Variants in DIAPH3 observed in about 807,000 individuals in gnomAD.
The protein encoded by DIAPH3 is diaphanous related formin 3.
Under a neutral mutation model 144.3 loss-of-function variants are expected in DIAPH3, and 117 were observed. The observed-to-expected ratio is 0.81, with a 90% CI of 0.70 to 0.95. The LOEUF (loss-of-function observed/expected upper bound fraction) is 0.95, where lower values mean the gene tolerates loss of function less well. DIAPH3 is among the 40% of genes least tolerant of loss of function. DIAPH3 has a pLI of 0.00. For synonymous variants in DIAPH3, 519 were observed against 488.9 expected (o/e 1.06, Z -0.81); for missense variants, 1,421 against 1,412.7 (o/e 1.01, Z -0.09).
chr13:59,785,186 G>C (rs2038968936), intron 25 of DIAPH3, among the ~76,000 whole-genome samples: 1 of 152,046 alleles, frequency 6.6e-6, no homozygotes, highest in Non-Finnish European at 1.5e-5. Context: ...TTAAGTGACT[G>C]GCTCAACCAC....
chr13:59,930,058 C>A (rs1006097516), intron 17 of DIAPH3, among the ~76,000 whole-genome samples: 3 of 152,164 alleles, frequency 2.0e-5, no homozygotes, highest in Non-Finnish European at 4.4e-5. Context: ...GCACAGTGTT[C>A]TTCATACATG....
At chr13:59,783,133 C>G (rs781736886) in intron 25 of DIAPH3, among the ~76,000 whole-genome samples, 2 of 151,968 alleles carry the variant, frequency 1.3e-5, no homozygotes, top group Non-Finnish European at 2.9e-5. Context: ...AAAACAAACC[C>G]AAGAGGCATG....
At chr13:59,685,768 T>G (rs2033183686) in intron 27 of DIAPH3, among the ~76,000 whole-genome samples, 1 of 152,122 alleles carries the variant, frequency 6.6e-6, no homozygotes, top group South Asian at 2.1e-4. Flanking sequence ...AATAATATAC[T>G]GGAGCTGCAG....
intron 4 of DIAPH3, among the ~76,000 whole-genome samples, chr13:60,072,128 C>T (rs180998490): frequency 2.4e-4 from 36 of 152,270 alleles, no homozygotes; most frequent in Non-Finnish European, 5.9e-5. Flanking sequence ...TACAAATGAC[C>T]ATCAGGAACC....
At chr13:59,822,185 T>C (rs1305418637) in intron 24 of DIAPH3, among the ~76,000 whole-genome samples, 1 of 152,108 alleles carries the variant, frequency 6.6e-6, no homozygotes, top group Non-Finnish European at 1.5e-5. Flanking sequence ...TTTCCCAAAG[T>C]ATAATTTGAT....
intron 13 of DIAPH3, among the ~76,000 whole-genome samples, chr13:59,981,935 T>C (rs1330696309): frequency 6.6e-6 from 1 of 151,540 alleles, no homozygotes; most frequent in Non-Finnish European, 1.5e-5. Flanking sequence ...ATTTTTGATA[T>C]TTTATTTACT....
chr13:60,124,428 C>T (rs2058931421), intron 2 of DIAPH3, among the ~76,000 whole-genome samples: 1 of 152,162 alleles, frequency 6.6e-6, no homozygotes, highest in Admixed American at 6.5e-5. Flanking sequence ...GATGACCTCT[C>T]AGTCCAACAC....
At chr13:60,121,563 T>C (rs1366275953) in intron 2 of DIAPH3, among the ~76,000 whole-genome samples, 1 of 152,166 alleles carries the variant, frequency 6.6e-6, no homozygotes, top group Admixed American at 6.5e-5. Context: ...CTGGAAGCTT[T>C]TGAAGTAAGA....
intron 3 of DIAPH3, among the ~76,000 whole-genome samples, chr13:60,095,798 A>G (rs1479898032): frequency 6.6e-6 from 1 of 152,140 alleles, no homozygotes; most frequent in Admixed American, 6.5e-5. Context: ...GAATCAAACT[A>G]TTCTGTAAAT....
At chr13:59,861,983 T>C (rs2043620930) in intron 21 of DIAPH3, among the ~76,000 whole-genome samples, 1 of 152,226 alleles carries the variant, frequency 6.6e-6, no homozygotes, top group South Asian at 2.1e-4. Flanking sequence ...TATACGTATT[T>C]GCCTTGGTGT....
rs369802031 is a variant in DIAPH3 at position 59,980,706 on chromosome 13, A to C, written c.1545+89T>G. On this transcript the variant is annotated intron_variant, in intron 14 of 27. Transcript: ENST00000400324. ...CACACCTGAAGCAGATAAAGAAGAA[A>C]GAACGAATAACAAGCAAATTCCCTG... is the stretch of plus-strand genomic sequence containing the variant. 4.7e-4 allele frequency: 554 copies of C among 1,174,902 alleles called. 3 individuals are homozygous for C. The African/African-American group carries it at 6.5e-3, about 14-fold the overall frequency. 72.8% of individuals were successfully genotyped at this position (1,174,902 alleles called of 1,614,324 possible). A position where few individuals can be genotyped will look rare whatever the true frequency, so the allele number is the denominator to read the frequency against.
rs533284035 is a variant in DIAPH3, at chr13:59,777,179, T to C, written c.3164-2356A>G. ...GAAATGAGTCAGAAACATATTGTTGTGCCAGAAAATAAGAAAGTGCTCAAA... is the reference window on the plus strand; with the variant it reads ...GAAATGAGTCAGAAACATATTGTTGCGCCAGAAAATAAGAAAGTGCTCAAA... On this transcript the variant is annotated intron_variant, in intron 25 of 27. Transcript: ENST00000400324. Among the ~76,000 whole-genome samples, 6 of 152,256 alleles carry C rather than the reference T, an allele frequency of 3.9e-5. No homozygotes were observed. The South Asian group carries it at 1.0e-3, about 26-fold the overall frequency.
At chr13:59,760,004 C>T (rs1593775481) in intron 27 of DIAPH3, among the ~76,000 whole-genome samples, 1 of 152,092 alleles carries the variant, frequency 6.6e-6, no homozygotes, top group African/African-American at 2.4e-5. Context: ...AGCCTTGAGA[C>T]TTATTAGAGA....
At chr13:60,107,279 A>T (rs766461223) in intron 3 of DIAPH3, among the ~76,000 whole-genome samples, 6 of 152,086 alleles carry the variant, frequency 3.9e-5, no homozygotes, top group Non-Finnish European at 7.4e-5. Flanking sequence ...AAAAAAGGAA[A>T]GTTTCTTCAG....
chr13:59,769,444 T>A (rs2038012345), intron 27 of DIAPH3, among the ~76,000 whole-genome samples: 1 of 152,134 alleles, frequency 6.6e-6, no homozygotes. Flanking sequence ...TAACTTGCCA[T>A]TCTCTTGTTT....
intron 4 of DIAPH3, among the ~76,000 whole-genome samples, chr13:60,086,600 C>CAAAAAAA (rs34701467): frequency 6.8e-6 from 1 of 147,808 alleles, no homozygotes; most frequent in Non-Finnish European, 1.5e-5. Context: ...GAAATAGAAG[C>CAAAAAAA]AAAAAAAAAA....
At chr13:60,112,576 T>A (rs2058597465) in intron 2 of DIAPH3, among the ~76,000 whole-genome samples, 1 of 152,168 alleles carries the variant, frequency 6.6e-6, no homozygotes, top group Non-Finnish European at 1.5e-5. Context: ...TCCTGGCCCC[T>A]CTGCCTATTG....
chr13:59,936,146 T>C (rs2048249934), intron 17 of DIAPH3, among the ~76,000 whole-genome samples: 1 of 152,170 alleles, frequency 6.6e-6, no homozygotes. Flanking sequence ...ACAAAAGAAC[T>C]GTTAAAGTAT....
At chr13:59,672,610 T>C (rs1187243594) in intron 27 of DIAPH3, among the ~76,000 whole-genome samples, 1 of 152,234 alleles carries the variant, frequency 6.6e-6, no homozygotes, top group East Asian at 1.9e-4. Context: ...GTGACAAATA[T>C]ATGTTTTTAA....
Sources: allele counts gnomAD v4.1 joint callset (sites outside exome capture counted in the v4.1 genomes callset), GRCh38; gene constraint gnomAD v4.1.1; transcripts MANE v1.5; gene names NCBI Gene and HGNC (gene_info 2026-07-23, HGNC 2026-07-21).